The following APLF variants were observed in gnomAD, a reference collection of about 807,000 sequenced individuals.
APLF encodes aprataxin and PNK-like factor.
Under a neutral mutation model 55.6 loss-of-function variants are expected in APLF, and 61 were observed. The observed-to-expected ratio is 1.10, with a 90% CI of 0.89 to 1.36. APLF has a LOEUF of 1.36. APLF is among the 40% of genes most tolerant of loss of function. APLF has a pLI of 0.00. For synonymous variants in APLF, 207 were observed against 214.8 expected, an observed-to-expected ratio of 0.96 and a Z score of 0.32; for missense variants, 611 against 602.5, an observed-to-expected ratio of 1.01 and a Z score of -0.15.
intron 1 of APLF, among the ~76,000 whole-genome samples, chr2:68,468,989 G>GGGGTGTGT (rs571326050): frequency 6.8e-6 from 1 of 146,662 alleles, no homozygotes; most frequent in East Asian, 2.0e-4. Context: ...GTCCTAAAGG[G>GGGGTGTGT]GTGTGTGTGT....
chr2:68,474,495 G>A (rs1675713841), intron 1 of APLF, among the ~76,000 whole-genome samples: 1 of 152,190 alleles, frequency 6.6e-6, no homozygotes, highest in African/African-American at 2.4e-5. Context: ...GGTTATGCCA[G>A]GCAACAGGGA....
chr2:68,533,620 G>A (rs1164809242), intron 6 of APLF, among the ~76,000 whole-genome samples: 1 of 152,148 alleles, frequency 6.6e-6, no homozygotes, highest in East Asian at 1.9e-4. Context: ...TGAAGATGAA[G>A]CATCTGTGAT....
intron 7 of APLF, among the ~76,000 whole-genome samples, chr2:68,540,802 G>A (rs1161121460): frequency 6.6e-6 from 1 of 150,626 alleles, no homozygotes; most frequent in African/African-American, 2.5e-5. Context: ...GTGTGTATGT[G>A]TGTAAGTTGA....
At chr2:68,471,064 T>A (rs1675603155) in intron 1 of APLF, among the ~76,000 whole-genome samples, 1 of 152,222 alleles carries the variant, frequency 6.6e-6, no homozygotes, top group South Asian at 2.1e-4. Flanking sequence ...AGATTTGCCC[T>A]TCCCTCATTT....
At chr2:68,504,241 A>G (rs80356012) in intron 3 of APLF, among the ~76,000 whole-genome samples, 3,901 of 152,064 alleles carry the variant, frequency 0.026, 67 homozygotes, top group South Asian at 0.043. Context: ...CAAGGAAGAA[A>G]TAATGCCAAT....
rs562303674 is a variant in APLF at position 68,529,427 on chromosome 2, C to T, written c.804+3185C>T. ...CCGATGGCATGGCCAGGACCTGCGG[C>T]GGAACCAGGAACAAAATACGCTTAG... On this transcript the variant is annotated intron_variant, in intron 6 of 9. Transcript: ENST00000303795. This position sits in a 1 kb window ranked among gnomAD's most constrained non-coding sequence, Gnocchi z 4.4. 90 of 1,211,208 alleles carry T rather than the reference C, an allele frequency of 7.4e-5. No homozygotes were observed. The South Asian group carries it at 9.0e-4, about 12-fold the overall frequency. The allele number at this position is 1,211,208 out of a possible 1,614,324, so 75.0% of individuals were successfully genotyped here.
chr2:68,499,784 G>A (rs1486729688), intron 2 of APLF, among the ~76,000 whole-genome samples: 1 of 152,150 alleles, frequency 6.6e-6, no homozygotes, highest in African/African-American at 2.4e-5. Context: ...GTTGTAGTGA[G>A]TAGAGATCAT....
In APLF at chr2:68,502,902, A is replaced by C. The variant is rs779375343; in HGVS notation, c.340A>C (p.Arg114=). 6.3e-7 allele frequency: 1 copy of C among 1,599,310 alleles called. No individual in the cohort carries two copies. Among genetic ancestry groups the C allele is most frequent in the Non-Finnish European group, 8.5e-7 (1 of 1,175,126 alleles). ...TGAAGTGGAAATGCAATGTACCTTA[A>C]GGTAAGTGCCTGATGAAATGAGAGT... ...PSEVEMQCTL[R]NSQVLDEDNI... The change falls in exon 3 of 10, where the codon AGA becomes CGA. Residue 114 remains arginine, a splice_region_variant and synonymous_variant. Transcript: ENST00000303795.
chr2:68,510,954 A>G (rs1050086475), intron 3 of APLF, among the ~76,000 whole-genome samples: 2 of 151,942 alleles, frequency 1.3e-5, no homozygotes, highest in East Asian at 3.9e-4. Flanking sequence ...TTTATATGAA[A>G]TATGTAGAAA....
In APLF at chr2:68,545,177, G is replaced by A. The variant is rs767278916; in HGVS notation, c.1161-10G>A. ...TTTTTTTTCTGACAGTATATTTGTC[G>A]CCCTCCTAGGAAGAATCCTGTTCAT... On this transcript the variant is annotated splice_polypyrimidine_tract_variant and intron_variant, in intron 7 of 9. Coordinates refer to ENST00000303795, the MANE Select transcript of APLF (RefSeq NM_173545.3). The A allele has an allele frequency of 9.1e-5, 147 of 1,608,458 alleles. No homozygotes were observed. The highest frequency in any genetic ancestry group is 2.0e-4 in the African/African-American group (15 of 74,400).
At chr2:68,513,312 T>C in intron 4 of APLF, 85 bp downstream of exon 4, 3 of 1,428,890 alleles carry the variant, frequency 2.1e-6, no homozygotes, top group Non-Finnish European at 2.8e-6. Flanking sequence ...TTAGGCCTAT[T>C]ATGACAATAT....
chr2:68,519,229 A>T (rs1267511995), intron 5 of APLF, among the ~76,000 whole-genome samples: 2 of 140,344 alleles, frequency 1.4e-5, no homozygotes, highest in African/African-American at 5.2e-5. Flanking sequence ...TTTATTACAT[A>T]ATATATTATA....
Position 68,537,883 on chromosome 2 carries a change from A to G in APLF, c.816A>G (p.Gln272=). 2 of 1,563,952 alleles carry G rather than the reference A, an allele frequency of 1.3e-6. No individual in the cohort carries two copies. Among genetic ancestry groups the G allele is most frequent in the South Asian group, 2.4e-5 (2 of 83,400 alleles). Residue 272 remains glutamine (Q), a synonymous_variant, in exon 7 of 10, where the codon CAA becomes CAG. Coordinates refer to ENST00000303795, the MANE Select transcript of APLF (RefSeq NM_173545.3). ...TATTTGTTTTACAGGAAATGCCACA[A>G]TCATTTTCTGCAATCACATTAAGTA... is the stretch of plus-strand genomic sequence containing the variant. The part of the protein sequence containing the change: ...ESTISSKEMP[Q]SFSAITLSNT...
Position 68,578,245 on chromosome 2 carries a change from G to C in APLF, c.*223G>C. Reference sequence around the variant, plus strand: ...TTTTCTTTCCTACTTAAAGCATCTGGAAATAGGAAGACAGAGAAGGTAGAG... The same window carrying C: ...TTTTCTTTCCTACTTAAAGCATCTGCAAATAGGAAGACAGAGAAGGTAGAG... On this transcript the variant is annotated 3_prime_UTR_variant, in exon 10 of 10. Coordinates refer to ENST00000303795, the MANE Select transcript of APLF (RefSeq NM_173545.3). The C allele has an allele frequency of 2.3e-6, 3 of 1,280,236 alleles. No homozygotes were observed. The highest frequency in any genetic ancestry group is 3.0e-6 in the Non-Finnish European group (3 of 1,010,154). 79.3% of individuals were successfully genotyped at this position (1,280,236 alleles called of 1,614,324 possible).
chr2:68,568,216 A>G (rs1468168382), intron 9 of APLF: 7 of 957,236 alleles, frequency 7.3e-6, no homozygotes, highest in South Asian at 4.8e-5. Context: ...TGGCTTTTTC[A>G]TATCATTCAT....
At chr2:68,517,480 T>C (rs1669650180) in intron 5 of APLF, among the ~76,000 whole-genome samples, 1 of 140,268 alleles carries the variant, frequency 7.1e-6, no homozygotes, top group Admixed American at 7.4e-5. Flanking sequence ...GTTATTACTA[T>C]ATATTAATAT....
At chr2:68,499,125 A>G (rs910884077) in intron 2 of APLF, among the ~76,000 whole-genome samples, 1 of 152,166 alleles carries the variant, frequency 6.6e-6, no homozygotes, top group Non-Finnish European at 1.5e-5. Flanking sequence ...TCTAAGAGAA[A>G]GCTATAGGAA....
intron 2 of APLF, among the ~76,000 whole-genome samples, 178 bp from the exon 3 acceptor site, chr2:68,502,553 T>C (rs564361152): frequency 6.6e-6 from 1 of 151,916 alleles, no homozygotes; most frequent in East Asian, 1.9e-4. Flanking sequence ...AAATAATAAT[T>C]ATGGTACTTA....
intron 5 of APLF, among the ~76,000 whole-genome samples, chr2:68,519,904 A>G (rs1573213359): frequency 6.6e-6 from 1 of 151,924 alleles, no homozygotes; most frequent in South Asian, 2.1e-4. Flanking sequence ...GGTTTTCTGT[A>G]GTGGTTGTTC....
Sources: gnomAD v4.1 joint callset for allele counts (sites outside exome capture counted in the v4.1 genomes callset) on GRCh38, gnomAD v4.1.1 for gene constraint, Gnocchi (gnomAD v3.1) non-coding constraint, MANE v1.5 for transcripts, NCBI Gene and HGNC (gene_info 2026-07-23, HGNC 2026-07-21) for gene names.